MS4A12: variants seen among roughly 807,000 people sequenced by gnomAD.
The protein encoded by MS4A12 is membrane spanning 4-domains A12, also known as membrane-spanning 4-domains subfamily A member 12.
A neutral mutation model predicts 23.7 loss-of-function variants in MS4A12; 28 were observed. The ratio of observed to expected loss-of-function variants is 1.18; its 90% CI spans 0.88 to 1.62. The LOEUF (loss-of-function observed/expected upper bound fraction) is 1.62. Ranked by LOEUF, MS4A12 falls within the 40% of genes most tolerant of loss-of-function variation. The pLI, the probability that MS4A12 is intolerant of heterozygous loss-of-function variation, is 0.00. For synonymous variants in MS4A12, 108 were observed against 110.1 expected (o/e 0.98, Z 0.12); for missense variants, 342 against 327.0 (o/e 1.05, Z -0.35).
At chr11:60,497,240 G>A (rs1159562089) in intron 1 of MS4A12, 73 bp from the exon 2 acceptor site, 1 of 1,459,122 alleles carries the variant, frequency 6.9e-7, no homozygotes, top group Non-Finnish European at 9.3e-7. Context: ...ATTGACATTT[G>A]ACATTTGGTA....
chr11:60,496,833 C>A (rs1190035419), intron 1 of MS4A12, among the ~76,000 whole-genome samples: 2 of 152,174 alleles, frequency 1.3e-5, no homozygotes, highest in Non-Finnish European at 2.9e-5. Flanking sequence ...CTAGAGGCGA[C>A]CCATACACCT....
chr11:60,495,205 TG>T (rs1288722159), intron 1 of MS4A12, among the ~76,000 whole-genome samples: 5 of 151,654 alleles, frequency 3.3e-5, no homozygotes, highest in Non-Finnish European at 5.9e-5. Flanking sequence ...GGTTTCACCA[TG>T]TTAGCCAGGA....
At chr11:60,496,532 G>A (rs897304176) in intron 1 of MS4A12, among the ~76,000 whole-genome samples, 1 of 152,158 alleles carries the variant, frequency 6.6e-6, no homozygotes, top group Non-Finnish European at 1.5e-5. Flanking sequence ...TCTTAAGTGG[G>A]CATATGTGAA....
intron 2 of MS4A12, among the ~76,000 whole-genome samples, chr11:60,499,520 C>T (rs547037517): frequency 2.0e-5 from 3 of 152,152 alleles, no homozygotes; most frequent in Non-Finnish European, 2.9e-5. Flanking sequence ...ATAGGCTAAA[C>T]GTGGCCCATC....
intron 2 of MS4A12, 66 bp from the exon 3 acceptor site, chr11:60,500,979 T>A: frequency 6.7e-7 from 1 of 1,500,302 alleles, no homozygotes; most frequent in Non-Finnish European, 8.9e-7. Context: ...GGGGCAGCAA[T>A]GACAGTAATG....
chr11:60,505,840 C>T (rs1006153718), intron 5 of MS4A12, among the ~76,000 whole-genome samples: 5 of 152,126 alleles, frequency 3.3e-5, no homozygotes, highest in African/African-American at 1.2e-4. Flanking sequence ...CTGCATGGTA[C>T]CCTACTACCA....
At chr11:60,505,547 A>G (rs1253071369) in intron 5 of MS4A12, among the ~76,000 whole-genome samples, 1 of 152,190 alleles carries the variant, frequency 6.6e-6, no homozygotes, top group Non-Finnish European at 1.5e-5. Flanking sequence ...TCAAACTGGC[A>G]TCCAAGTAGA....
chr11:60,497,514 G>A lies in MS4A12; in HGVS notation c.196G>A (p.Gly66Ser). 6.2e-7 allele frequency: 1 copy of A among 1,614,084 alleles called. No individual in the cohort carries two copies. The highest frequency in any genetic ancestry group is 2.2e-5 in the East Asian group (1 of 44,874). Residue 66 changes from glycine to serine, a missense_variant, in exon 2 of 7, where the codon GGT becomes AGT. By Grantham distance (56) the Gly-to-Ser change is moderately conservative. Coordinates refer to ENST00000016913, the MANE Select transcript of MS4A12 (RefSeq NM_017716.3). ...GGGAATCTTTGCTAGCAGTCAACCG[G>A]GTCAAGGAAATATACAAATGATAAA... ...SPGIFASSQP[G>S]QGNIQMINPS...
intron 2 of MS4A12, 40 bp downstream of exon 2, chr11:60,497,634 C>T: frequency 6.3e-7 from 1 of 1,597,486 alleles, no homozygotes; most frequent in Admixed American, 1.7e-5. Flanking sequence ...TTCACATTTG[C>T]AAGGTCTTCT....
At chr11:60,506,160 C>A (rs1313447744) in intron 5 of MS4A12, among the ~76,000 whole-genome samples, 2 of 152,200 alleles carry the variant, frequency 1.3e-5, no homozygotes, top group South Asian at 4.1e-4. Flanking sequence ...TGTACCTGAT[C>A]AAATAGAAAG....
rs780915832 is a variant in MS4A12 at position 60,507,011 on chromosome 11, T to A, written c.700-9T>A. ...AACCATATTGCTTGTTTTTATTCATTCTTTCCAGTCTGTCCTGGTTATTCC... is the reference window on the plus strand; with the variant it reads ...AACCATATTGCTTGTTTTTATTCATACTTTCCAGTCTGTCCTGGTTATTCC... On this transcript the variant is annotated splice_polypyrimidine_tract_variant and intron_variant, in intron 6 of 6. Coordinates refer to ENST00000016913, the MANE Select transcript of MS4A12 (RefSeq NM_017716.3). The A allele has an allele frequency of 6.2e-7, 1 of 1,605,892 alleles. No individual in the cohort carries two copies. The highest frequency in any genetic ancestry group is 8.5e-7 in the Non-Finnish European group (1 of 1,172,570).
In MS4A12 at chr11:60,503,761, C is replaced by T. The variant is rs1157377925; in HGVS notation, c.532C>T (p.Leu178=). 2 of 1,613,930 alleles carry T rather than the reference C, an allele frequency of 1.2e-6. No homozygotes were observed. The highest frequency in any genetic ancestry group is 2.2e-5 in the East Asian group (1 of 44,870). The change falls in exon 5 of 7, where the codon CTG becomes TTG. Residue 178 remains leucine, a synonymous_variant. Transcript: ENST00000016913. ...SSILAFIGVI[L]LLVDMCINGV... ...TATCTTGGCCTTCATTGGAGTGATT[C>T]TGCTGCTGGTGGATATGTGCATCAA...
At chr11:60,498,796 C>A (rs1204079484) in intron 2 of MS4A12, among the ~76,000 whole-genome samples, 1 of 152,114 alleles carries the variant, frequency 6.6e-6, no homozygotes, top group Non-Finnish European at 1.5e-5. Flanking sequence ...GAGCAAAAAC[C>A]TGAAGTTAGG....
At chr11:60,493,324 C>T (rs529992982) in intron 1 of MS4A12, among the ~76,000 whole-genome samples, 1 of 150,328 alleles carries the variant, frequency 6.7e-6, no homozygotes, top group East Asian at 2.0e-4. Flanking sequence ...TGCAGTGAGC[C>T]GAGATCGCTC....
chr11:60,501,327 A>C, intron 3 of MS4A12, 145 bp downstream of exon 3: 1 of 910,542 alleles, frequency 1.1e-6, no homozygotes, highest in East Asian at 3.0e-5. Flanking sequence ...AGAAAAATTA[A>C]CAGCTCTGAA....
chr11:60,495,929 C>T (rs1376548905), intron 1 of MS4A12, among the ~76,000 whole-genome samples: 1 of 152,224 alleles, frequency 6.6e-6, no homozygotes, highest in Non-Finnish European at 1.5e-5. Context: ...GTCACCAAGG[C>T]TGGCCTGGAA....
Position 60,507,409 on chromosome 11 carries a change from T to C in MS4A12, c.*285T>C, listed in dbSNP as rs776398868. On this transcript the variant is annotated 3_prime_UTR_variant, in exon 7 of 7. Coordinates refer to ENST00000016913, the MANE Select transcript of MS4A12 (RefSeq NM_017716.3). ...TCTGTTCATATTACTTTTTCCTTAA[T>C]AAAATGTCATTAGAAACAAAAGCCT... 24 of 335,148 alleles carry C rather than the reference T, an allele frequency of 7.2e-5. No homozygotes were observed. Among genetic ancestry groups the C allele is most frequent in the Non-Finnish European group, 1.3e-4 (24 of 184,246 alleles). The allele number at this position is 335,148 out of a possible 1,614,324, so 20.8% of individuals were successfully genotyped here.
Position 60,497,293 on chromosome 11 carries a change from GTATGT to G in MS4A12, c.-6-18_-6-14del. On this transcript the variant is annotated splice_polypyrimidine_tract_variant and intron_variant, in intron 1 of 6. Transcript: ENST00000016913. ...TTTTCTGGATAAACGTATCACTTTT[GTATGT>G]TTTGTGATACTTAGGACATAATGAT... is the stretch of plus-strand genomic sequence containing the variant. 6.3e-7 allele frequency: 1 copy of G among 1,579,042 alleles called. No homozygotes were observed. The highest frequency in any genetic ancestry group is 1.2e-5 in the South Asian group (1 of 85,340).
At chr11:60,498,174 G>A (rs1382998064) in intron 2 of MS4A12, 9 of 152,422 alleles carry the variant, frequency 5.9e-5, no homozygotes, top group Non-Finnish European at 1.3e-4. Context: ...TGCCCTACTT[G>A]TAAGAAAATT....
Sources: gnomAD v4.1 joint callset for allele counts (sites outside exome capture counted in the v4.1 genomes callset) on GRCh38, gnomAD v4.1.1 for gene constraint, MANE v1.5 for transcripts, NCBI Gene and HGNC (gene_info 2026-07-23, HGNC 2026-07-21) for gene names.